PABPC4L: variants seen among roughly 807,000 people sequenced by gnomAD.
The protein encoded by PABPC4L is polyadenylate-binding protein 4-like.
For synonymous variants in PABPC4L, 169 were observed against 164.1 expected, an observed-to-expected ratio of 1.03 and a Z score of -0.23; for missense variants, 452 against 451.4, an observed-to-expected ratio of 1.00 and a Z score of -0.01.
the PABPC4L span, among the ~76,000 whole-genome samples, chr4:133,961,307 G>C: frequency 2.0e-5 from 3 of 152,116 alleles, no homozygotes; most frequent in Non-Finnish European, 4.4e-5. Context: ...ACCCAGAAGA[G>C]AGATAACAAT....
chr4:133,957,367 C>T, the PABPC4L span, among the ~76,000 whole-genome samples: 15 of 152,322 alleles, frequency 9.8e-5, 1 homozygote, highest in South Asian at 2.7e-3. Context: ...TGTCTCACAT[C>T]CAGGTCATGC....
At chr4:134,027,258 T>C in the PABPC4L span, among the ~76,000 whole-genome samples, 76,809 of 151,830 alleles carry the variant, frequency 0.51, 20,602 homozygotes, top group East Asian at 0.93. Flanking sequence ...TAACCTGAGA[T>C]TGCAATCCTG....
At chr4:134,047,970 G>T in the PABPC4L span, among the ~76,000 whole-genome samples, 1 of 152,106 alleles carries the variant, frequency 6.6e-6, no homozygotes, top group African/African-American at 2.4e-5. Flanking sequence ...TGACGGCAAA[G>T]ATGGCTGAAC....
the PABPC4L span, among the ~76,000 whole-genome samples, chr4:134,040,321 A>G: frequency 1.3e-5 from 2 of 152,134 alleles, no homozygotes; most frequent in Non-Finnish European, 2.9e-5. Flanking sequence ...ACTTGACTTC[A>G]AACTATACTA....
chr4:133,950,817 T>G, the PABPC4L span, among the ~76,000 whole-genome samples: 1 of 152,200 alleles, frequency 6.6e-6, no homozygotes, highest in African/African-American at 2.4e-5. Context: ...TTATATGAAC[T>G]GTGTTACCTC....
At chr4:134,012,026 T>G in the PABPC4L span, among the ~76,000 whole-genome samples, 1 of 152,144 alleles carries the variant, frequency 6.6e-6, no homozygotes, top group Non-Finnish European at 1.5e-5. Flanking sequence ...TTGAAATCTC[T>G]ATTAATATAT....
chr4:134,169,819 G>C, the PABPC4L span, among the ~76,000 whole-genome samples: 2 of 152,032 alleles, frequency 1.3e-5, no homozygotes, highest in Admixed American at 6.6e-5. Context: ...TATGGTCATG[G>C]ATAGGAAAAA....
At chr4:134,067,028 A>G in the PABPC4L span, among the ~76,000 whole-genome samples, 2 of 152,074 alleles carry the variant, frequency 1.3e-5, no homozygotes, top group Non-Finnish European at 2.9e-5. Context: ...AGGTTTTGGT[A>G]TCAGGACAAT....
chr4:134,112,208 A>T, the PABPC4L span, among the ~76,000 whole-genome samples: 5 of 151,978 alleles, frequency 3.3e-5, no homozygotes, highest in African/African-American at 9.7e-5. Flanking sequence ...AAAATATTAT[A>T]AAGATAAAAG....
At chr4:134,121,470 T>G in the PABPC4L span, among the ~76,000 whole-genome samples, 3 of 151,680 alleles carry the variant, frequency 2.0e-5, no homozygotes, top group East Asian at 5.8e-4. Flanking sequence ...ACAGATCATA[T>G]TGATCCAAAC....
the PABPC4L span, among the ~76,000 whole-genome samples, chr4:134,007,989 T>C: frequency 4.6e-5 from 7 of 151,748 alleles, no homozygotes; most frequent in African/African-American, 1.7e-4. Context: ...GTGTAAACTA[T>C]AATGAAATCT....
chr4:134,176,748 C>T, the PABPC4L span, among the ~76,000 whole-genome samples: 2 of 152,080 alleles, frequency 1.3e-5, 1 homozygote, highest in South Asian at 4.1e-4. Context: ...CCAGGAGAAC[C>T]TCTCTGACAT....
chr4:133,998,740 T>C, the PABPC4L span, among the ~76,000 whole-genome samples: 3 of 151,938 alleles, frequency 2.0e-5, no homozygotes, highest in East Asian at 1.9e-4. Flanking sequence ...AATTATGGTT[T>C]TTTTTTTCTA....
chr4:133,975,577 C>T, the PABPC4L span, among the ~76,000 whole-genome samples: 1 of 152,054 alleles, frequency 6.6e-6, no homozygotes, highest in African/African-American at 2.4e-5. Flanking sequence ...TAAAGATACA[C>T]TGGGGAAACT....
chr4:134,090,219 T>C, the PABPC4L span, among the ~76,000 whole-genome samples: 1 of 152,170 alleles, frequency 6.6e-6, no homozygotes, highest in Admixed American at 6.5e-5. Flanking sequence ...GAGATGTTCC[T>C]CATTATTTAA....
the PABPC4L span, among the ~76,000 whole-genome samples, chr4:133,994,276 C>T: frequency 1.3e-5 from 2 of 152,064 alleles, no homozygotes; most frequent in Admixed American, 6.6e-5. Flanking sequence ...TGTAATTTCT[C>T]TCCCTTTAAA....
At chr4:134,153,298 G>A in the PABPC4L span, among the ~76,000 whole-genome samples, 2 of 151,910 alleles carry the variant, frequency 1.3e-5, no homozygotes, top group Admixed American at 1.3e-4. Flanking sequence ...TTAGTTTGCC[G>A]AGTCATCACT....
At chr4:134,018,809 A>G in the PABPC4L span, among the ~76,000 whole-genome samples, 1 of 152,140 alleles carries the variant, frequency 6.6e-6, no homozygotes, top group Non-Finnish European at 1.5e-5. Flanking sequence ...ATGAGTAAAA[A>G]GTAGGAAACT....
chr4:133,981,733 A>T, the PABPC4L span, among the ~76,000 whole-genome samples: 1 of 152,018 alleles, frequency 6.6e-6, no homozygotes, highest in Non-Finnish European at 1.5e-5. Context: ...ATGAACACTA[A>T]TGCCATTGAG....
Sources: allele counts gnomAD v4.1 joint callset (sites outside exome capture counted in the v4.1 genomes callset), GRCh38; gene constraint gnomAD v4.1.1; transcripts MANE v1.5; gene names NCBI Gene and HGNC (gene_info 2026-07-23, HGNC 2026-07-21).